The following PCDH15 variants were observed in gnomAD, a reference collection of about 807,000 sequenced individuals.
The protein encoded by PCDH15 is protocadherin related 15.
In PCDH15, 129 loss-of-function variants were observed where a neutral mutation model predicts 178.5. The observed-to-expected ratio is 0.72, with a 90% CI of 0.63 to 0.84. The LOEUF is 0.84. PCDH15 is among the 40% of genes least tolerant of loss of function. The pLI is 0.00. For missense variants in PCDH15, 2,230 were observed against 2,099.9 expected (o/e 1.06, Z -1.21); for synonymous variants, 800 against 732.0 (o/e 1.09, Z -1.50).
At chr10:55,446,420 T>C (rs1168662754) in intron 2 of PCDH15, among the ~76,000 whole-genome samples, 3 of 151,980 alleles carry the variant, frequency 2.0e-5, no homozygotes, top group Non-Finnish European at 4.4e-5. Context: ...TAGAGAAATG[T>C]TTTTAAAATG....
At chr10:55,038,031 T>C (rs1840779113) in intron 2 of PCDH15, among the ~76,000 whole-genome samples, 1 of 152,160 alleles carries the variant, frequency 6.6e-6, no homozygotes, top group African/African-American at 2.4e-5. Flanking sequence ...ACAGAAATGA[T>C]CTAGATAAAA....
chr10:54,996,395 A>G (rs1199682921), intron 2 of PCDH15, among the ~76,000 whole-genome samples: 2 of 152,152 alleles, frequency 1.3e-5, no homozygotes, highest in Non-Finnish European at 2.9e-5. Flanking sequence ...AGCCCAACCA[A>G]TTCAGAGAGG....
chr10:54,135,935 A>G (rs2042867394), intron 14 of PCDH15, among the ~76,000 whole-genome samples: 1 of 152,216 alleles, frequency 6.6e-6, no homozygotes, highest in Non-Finnish European at 1.5e-5. Flanking sequence ...ACATGTATAC[A>G]TATATATGAA....
At position 55,413,664 on chromosome 10, in the gene PCDH15, A is replaced by C. The variant is rs73257732; in HGVS notation, c.-156+213961T>G. Among the ~76,000 whole-genome samples, 827 of 151,866 alleles carry C rather than the reference A, an allele frequency of 5.4e-3. 13 individuals carry two copies. Among genetic ancestry groups the C allele is most frequent in the African/African-American group, 0.019 (774 of 41,542 alleles). ...CTTTTGTTTCTCACAAAAATGCTATAGTAAATTTTGGATATTAAATGATAT... is the reference window on the plus strand; with the variant it reads ...CTTTTGTTTCTCACAAAAATGCTATCGTAAATTTTGGATATTAAATGATAT... On this transcript the variant is annotated intron_variant, in intron 2 of 5. Coordinates refer to the PCDH15 transcript ENST00000613346.
chr10:55,263,963 G>A (rs1030608709), intron 1 of PCDH15, among the ~76,000 whole-genome samples: 11 of 148,294 alleles, frequency 7.4e-5, no homozygotes, highest in South Asian at 2.1e-4. Context: ...CTCGATCTCC[G>A]GACCTCGTGA....
chr10:54,137,192 C>T (rs4495798), intron 14 of PCDH15, among the ~76,000 whole-genome samples: 97,043 of 152,036 alleles, frequency 0.64, 32,451 homozygotes, highest in East Asian at 0.9. Flanking sequence ...TAACACTTTA[C>T]GCAAGCATTT....
chr10:54,074,669 T>C (rs2094307507), intron 17 of PCDH15, among the ~76,000 whole-genome samples: 1 of 152,206 alleles, frequency 6.6e-6, no homozygotes, highest in Non-Finnish European at 1.5e-5. Flanking sequence ...GGAATACAAA[T>C]ATCTCTTGGA....
rs571274136 is a variant in PCDH15 at position 54,962,301 on chromosome 10, C to T, written c.-79-64801G>A. Among the ~76,000 whole-genome samples the T allele has an allele frequency of 2.6e-5, 4 of 152,156 alleles. No individual in the cohort carries two copies. The South Asian group carries it at 8.3e-4, about 32-fold the overall frequency. Reference sequence around the variant, plus strand: ...CTCTCTGCTGGCACTGGGCAGCCACCCCACGTGATGGGAAGCAGTGGTGGG... The same window carrying T: ...CTCTCTGCTGGCACTGGGCAGCCACTCCACGTGATGGGAAGCAGTGGTGGG... On this transcript the variant is annotated intron_variant, in intron 2 of 5. Coordinates refer to the PCDH15 transcript ENST00000458638.
At chr10:54,643,841 A>C (rs1038802853) in intron 2 of PCDH15, among the ~76,000 whole-genome samples, 6 of 143,030 alleles carry the variant, frequency 4.2e-5, no homozygotes, top group Non-Finnish European at 9.1e-5. Flanking sequence ...ATTATACTTT[A>C]AGTTTTAGGG....
intron 2 of PCDH15, among the ~76,000 whole-genome samples, chr10:55,608,716 C>A (rs921096138): frequency 1.3e-5 from 2 of 151,704 alleles, no homozygotes; most frequent in African/African-American, 4.8e-5. Flanking sequence ...CCTCCCTGAT[C>A]GACTAAAACT....
intron 29 of PCDH15, among the ~76,000 whole-genome samples, chr10:53,832,329 G>T (rs951716065): frequency 6.6e-6 from 1 of 151,902 alleles, no homozygotes; most frequent in African/African-American, 2.4e-5. Context: ...AATTTGTTAT[G>T]TATTTAATAT....
chr10:55,338,227 C>T (rs1844451366), intron 2 of PCDH15, among the ~76,000 whole-genome samples: 2 of 151,990 alleles, frequency 1.3e-5, no homozygotes, highest in Admixed American at 1.3e-4. Context: ...AGTACAACCA[C>T]AACAGTATAA....
intron 1 of PCDH15, among the ~76,000 whole-genome samples, chr10:55,280,595 T>C (rs1352003118): frequency 6.6e-6 from 1 of 151,800 alleles, no homozygotes; most frequent in Admixed American, 6.6e-5. Flanking sequence ...GGCCTGTTGA[T>C]TCTTTATAAG....
intron 1 of PCDH15, among the ~76,000 whole-genome samples, chr10:55,174,150 T>C (rs898071289): frequency 3.3e-5 from 5 of 152,154 alleles, no homozygotes; most frequent in African/African-American, 1.2e-4. Flanking sequence ...AATTGATAAA[T>C]GCTTACTTTT....
chr10:53,809,153 C>T, intron 37 of PCDH15: 1 of 1,613,964 alleles, frequency 6.2e-7, no homozygotes, highest in Non-Finnish European at 8.5e-7. Context: ...TCCTCCTCCT[C>T]AGAGGGTGTC....
intron 3 of PCDH15, among the ~76,000 whole-genome samples, chr10:54,499,346 C>A (rs2080421647): frequency 6.6e-6 from 1 of 152,050 alleles, no homozygotes; most frequent in African/African-American, 2.4e-5. Context: ...CAGAACACTC[C>A]ACACAATAAC....
chr10:54,995,848 C>A (rs1170886993), intron 2 of PCDH15, among the ~76,000 whole-genome samples: 2 of 151,906 alleles, frequency 1.3e-5, no homozygotes, highest in Non-Finnish European at 2.9e-5. Flanking sequence ...TGTTGACAAA[C>A]TCCTCTTCCT....
intron 1 of PCDH15, among the ~76,000 whole-genome samples, chr10:54,735,626 A>T (rs1465592485): frequency 7.5e-6 from 1 of 132,742 alleles, no homozygotes; most frequent in Non-Finnish European, 1.6e-5. Flanking sequence ...CAAATGTCCA[A>T]CAATGATAGA....
chr10:53,968,728 C>T (rs1359603579), intron 21 of PCDH15, among the ~76,000 whole-genome samples: 1 of 152,166 alleles, frequency 6.6e-6, no homozygotes, highest in Non-Finnish European at 1.5e-5. Context: ...GCTAGTGATA[C>T]CCAGGCAAAC....
Sources: allele counts gnomAD v4.1 joint callset (sites outside exome capture counted in the v4.1 genomes callset), GRCh38; gene constraint gnomAD v4.1.1; transcripts MANE v1.5; gene names NCBI Gene and HGNC (gene_info 2026-07-23, HGNC 2026-07-21).